KHDRBS2: variants seen among roughly 807,000 people sequenced by gnomAD.
KHDRBS2 encodes the protein KH RNA binding domain containing, signal transduction associated 2, also known as KH domain-containing, RNA-binding, signal transduction-associated protein 2.
In KHDRBS2, 26 loss-of-function variants were observed where a neutral mutation model predicts 44.3. That is an observed-to-expected ratio of 0.59 (90% CI 0.43 to 0.81). The LOEUF is 0.81. Ranked by LOEUF, KHDRBS2 falls within the 40% of genes least tolerant of loss-of-function variation. The pLI, the probability that KHDRBS2 is intolerant of heterozygous loss-of-function variation, is 0.00. For missense variants in KHDRBS2, 476 were observed against 433.1 expected (o/e 1.10, Z -0.88); for synonymous variants, 194 against 151.1 (o/e 1.28, Z -2.08).
At chr6:61,806,065 A>G (rs1216341769) in intron 6 of KHDRBS2, among the ~76,000 whole-genome samples, 1 of 152,178 alleles carries the variant, frequency 6.6e-6, no homozygotes, top group Non-Finnish European at 1.5e-5. Flanking sequence ...TTATTTTCCA[A>G]AGATATTTAC....
intron 6 of KHDRBS2, among the ~76,000 whole-genome samples, chr6:61,755,725 G>C (rs1778390506): frequency 6.6e-6 from 1 of 151,440 alleles, no homozygotes; most frequent in Non-Finnish European, 1.5e-5. Context: ...GCTTGAACCT[G>C]GGAGGCGGAG....
chr6:61,775,753 A>C (rs1463081113), intron 6 of KHDRBS2, among the ~76,000 whole-genome samples: 1 of 152,230 alleles, frequency 6.6e-6, no homozygotes, highest in African/African-American at 2.4e-5. Flanking sequence ...ATCCCCATCA[A>C]GCTACCAGTG....
chr6:61,778,323 C>CT (rs1048298998), intron 6 of KHDRBS2, among the ~76,000 whole-genome samples: 13 of 152,090 alleles, frequency 8.5e-5, no homozygotes, highest in Admixed American at 4.6e-4. Context: ...AAGACACATT[C>CT]TCTTTCTTGA....
At chr6:61,545,478 C>A in the KHDRBS2 span, among the ~76,000 whole-genome samples, 1 of 145,896 alleles carries the variant, frequency 6.9e-6, no homozygotes, top group African/African-American at 2.5e-5. Context: ...TTAGCTCATA[C>A]GTAAAATATT....
intron 1 of KHDRBS2, among the ~76,000 whole-genome samples, chr6:62,227,090 T>C (rs1212925754): frequency 6.6e-6 from 1 of 152,236 alleles, no homozygotes; most frequent in Admixed American, 6.5e-5. Context: ...GGAACAGCAC[T>C]GAATTTATAA....
intron 4 of KHDRBS2, among the ~76,000 whole-genome samples, chr6:61,953,918 G>C (rs538654430): frequency 7.2e-5 from 11 of 152,236 alleles, no homozygotes; most frequent in Admixed American, 5.2e-4. Context: ...AGAGAAAGCT[G>C]TAAGTAACTT....
intron 3 of KHDRBS2, among the ~76,000 whole-genome samples, chr6:62,021,460 G>T (rs1444278053): frequency 4.6e-5 from 7 of 151,776 alleles, no homozygotes; most frequent in South Asian, 2.1e-4. Flanking sequence ...TCATACAGTT[G>T]GGTCTTGTGT....
chr6:62,159,073 G>A (rs1365775591), intron 2 of KHDRBS2, among the ~76,000 whole-genome samples: 2 of 151,862 alleles, frequency 1.3e-5, no homozygotes, highest in Non-Finnish European at 2.9e-5. Flanking sequence ...GAATTAATTG[G>A]AATTAATATT....
intron 5 of KHDRBS2, among the ~76,000 whole-genome samples, chr6:61,898,697 G>T (rs1803386131): frequency 6.6e-6 from 1 of 151,888 alleles, no homozygotes; most frequent in African/African-American, 2.4e-5. Context: ...TCTCTTTCTA[G>T]AGCTTTTCTG....
At chr6:61,668,230 T>C in the KHDRBS2 span, among the ~76,000 whole-genome samples, 9 of 151,080 alleles carry the variant, frequency 6.0e-5, no homozygotes, top group African/African-American at 2.2e-4. Flanking sequence ...GACTTTGGTA[T>C]ACCTTTGGCA....
intron 2 of KHDRBS2, among the ~76,000 whole-genome samples, chr6:62,125,599 A>G (rs915724595): frequency 6.6e-6 from 1 of 152,166 alleles, no homozygotes; most frequent in African/African-American, 2.4e-5. Flanking sequence ...CCACTTGAAG[A>G]GAGGAGAGGG....
At chr6:62,222,391 G>A (rs543068393) in intron 1 of KHDRBS2, among the ~76,000 whole-genome samples, 46 of 152,194 alleles carry the variant, frequency 3.0e-4, no homozygotes, top group East Asian at 5.8e-4. Context: ...AAATCATGGC[G>A]GGAGGTGAAA....
At chr6:61,941,303 A>G (rs1222282365) in intron 4 of KHDRBS2, among the ~76,000 whole-genome samples, 7 of 152,180 alleles carry the variant, frequency 4.6e-5, no homozygotes, top group Non-Finnish European at 8.8e-5. Flanking sequence ...CAACACCAGC[A>G]CACAGCACTC....
At chr6:61,865,309 C>T (rs957497800) in intron 6 of KHDRBS2, among the ~76,000 whole-genome samples, 1 of 152,068 alleles carries the variant, frequency 6.6e-6, no homozygotes, top group African/African-American at 2.4e-5. Context: ...ATACTAGAGA[C>T]TGGAAAGAAA....
At chr6:61,602,118 G>T in the KHDRBS2 span, among the ~76,000 whole-genome samples, 1 of 152,058 alleles carries the variant, frequency 6.6e-6, no homozygotes, top group Non-Finnish European at 1.5e-5. Flanking sequence ...TACCCAGTCT[G>T]CTCCCAATAT....
chr6:61,709,454 C>A (rs1210637922), intron 7 of KHDRBS2, among the ~76,000 whole-genome samples: 1 of 151,498 alleles, frequency 6.6e-6, no homozygotes, highest in African/African-American at 2.4e-5. Context: ...TTTGAGGCAA[C>A]TTCATACCTC....
intron 8 of KHDRBS2, among the ~76,000 whole-genome samples, chr6:61,692,771 A>G (rs1767510371): frequency 1.3e-5 from 2 of 152,110 alleles, no homozygotes; most frequent in South Asian, 4.1e-4. Context: ...GAACCCTGCC[A>G]TTCGGGAGAG....
chr6:61,608,569 C>G, the KHDRBS2 span, among the ~76,000 whole-genome samples: 1 of 152,012 alleles, frequency 6.6e-6, no homozygotes, highest in Non-Finnish European at 1.5e-5. Context: ...AGTATCCCTC[C>G]TAATGTTATC....
intron 1 of KHDRBS2, among the ~76,000 whole-genome samples, chr6:62,244,733 T>C (rs1160684499): frequency 6.6e-6 from 1 of 152,266 alleles, no homozygotes; most frequent in East Asian, 1.9e-4. Context: ...TAAATCTTTA[T>C]CACAGATCTC....
Sources: allele counts gnomAD v4.1 joint callset (sites outside exome capture counted in the v4.1 genomes callset), GRCh38; gene constraint gnomAD v4.1.1; transcripts MANE v1.5; gene names NCBI Gene and HGNC (gene_info 2026-07-23, HGNC 2026-07-21).